The following MYBPC1 variants were observed in gnomAD, a reference collection of about 807,000 sequenced individuals.
The protein encoded by MYBPC1 is myosin-binding protein C, slow-type.
Under a neutral mutation model 147.1 loss-of-function variants are expected in MYBPC1, and 52 were observed. The observed-to-expected ratio is 0.35, with a 90% CI of 0.28 to 0.45. The LOEUF (loss-of-function observed/expected upper bound fraction) is 0.45. MYBPC1 is among the 20% of genes least tolerant of loss of function. The pLI is 1.00. For synonymous variants in MYBPC1, 477 were observed against 475.9 expected (o/e 1.00, Z -0.03); for missense variants, 1,228 against 1,440.3 (o/e 0.85, Z 2.39).
chr12:101,630,598 A>G (rs1278024013), intron 6 of MYBPC1, among the ~76,000 whole-genome samples: 1 of 152,190 alleles, frequency 6.6e-6, no homozygotes, highest in Admixed American at 6.5e-5. Flanking sequence ...ATAATTCATA[A>G]TATCTGAGAC....
At chr12:101,681,558 A>ATG (rs1387805910) in intron 29 of MYBPC1, among the ~76,000 whole-genome samples, 1 of 8,074 alleles carries the variant, frequency 1.2e-4, no homozygotes, top group East Asian at 1.3e-3. Flanking sequence ...TAACTTTCAT[A>ATG]TATATATATA....
At chr12:101,595,443 A>C (rs532025919) in intron 1 of MYBPC1, among the ~76,000 whole-genome samples, 10 of 152,290 alleles carry the variant, frequency 6.6e-5, no homozygotes, top group African/African-American at 2.2e-4. Context: ...TTTAATCACA[A>C]ATTTTTTACC....
At chr12:101,631,804 A>C in intron 7 of MYBPC1, 85 bp downstream of exon 7, 4 of 1,583,342 alleles carry the variant, frequency 2.5e-6, no homozygotes, top group Non-Finnish European at 3.5e-6. Flanking sequence ...TTCAGCTTTG[A>C]GAGACTTCAG....
At chr12:101,687,201 C>A (rs1430490815), downstream of MYBPC1, among the ~76,000 whole-genome samples, 1 of 151,930 alleles carries the variant, frequency 6.6e-6, no homozygotes, top group Non-Finnish European at 1.5e-5. Flanking sequence ...TTAGGTATAT[C>A]GCCTAATGCT....
chr12:101,631,546 G>A lies in MYBPC1; in HGVS notation c.290-25G>A, dbSNP rs776086613. The A allele has an allele frequency of 8.1e-6, 13 of 1,612,906 alleles. No individual in the cohort carries two copies. The Admixed American group carries it at 8.3e-5, about 10-fold the overall frequency. On this transcript the variant is annotated intron_variant, in intron 6 of 31. Coordinates refer to ENST00000361466, the MANE Select transcript of MYBPC1 (RefSeq NM_002465.4). ...ACAAATGACGCTTGTTAAAGAGCAA[G>A]CTGAATCCCTTATGCTTCTTCTAGG...
At chr12:101,605,502 AC>A (rs1450975109) in intron 1 of MYBPC1, among the ~76,000 whole-genome samples, 1 of 152,234 alleles carries the variant, frequency 6.6e-6, no homozygotes, top group East Asian at 1.9e-4. Flanking sequence ...AGTGTATTAT[AC>A]ACACTAACTT....
At chr12:101,636,957 C>T (rs1891106609) in intron 10 of MYBPC1, 4 of 343,562 alleles carry the variant, frequency 1.2e-5, no homozygotes, top group African/African-American at 9.1e-5. Context: ...TGTTTCATGA[C>T]TCTTCACCTA....
rs766911518 is a variant in MYBPC1 at position 101,666,818 on chromosome 12, C to A, written c.2357-914C>A. ...GCCAGGTAAAGTATTCCGTGAAGCT[C>A]TCAAATTTTCTTACTATATTATAAT... On this transcript the variant is annotated intron_variant, in intron 22 of 31. Coordinates refer to ENST00000361466, the MANE Select transcript of MYBPC1 (RefSeq NM_002465.4). 3.1e-6 allele frequency: 5 copies of A among 1,604,678 alleles called. No homozygotes were observed. In the South Asian group the frequency reaches 4.4e-5, roughly 14 times the overall value.
At chr12:101,649,181 A>C (rs991340893) in intron 14 of MYBPC1, 79 bp from the exon 15 acceptor site, 5 of 1,298,356 alleles carry the variant, frequency 3.9e-6, no homozygotes, top group Non-Finnish European at 5.5e-6. Context: ...TCTTCAGGAT[A>C]TTGCAATAAG....
At chr12:101,674,894 G>T (rs200859212) in intron 25 of MYBPC1, among the ~76,000 whole-genome samples, 9 of 125,372 alleles carry the variant, frequency 7.2e-5, no homozygotes, top group South Asian at 2.5e-4. Context: ...AGGAAAGAAA[G>T]AAATTTAAGA....
chr12:101,684,344 A>G, intron 30 of MYBPC1, 38 bp from the exon 31 acceptor site: 2 of 1,514,934 alleles, frequency 1.3e-6, no homozygotes, highest in Non-Finnish European at 1.8e-6. Context: ...ATTAATGCTT[A>G]CGACTTCTCT....
At chr12:101,641,840 T>A (rs1892121001) in intron 10 of MYBPC1, among the ~76,000 whole-genome samples, 1 of 151,914 alleles carries the variant, frequency 6.6e-6, no homozygotes, top group South Asian at 2.1e-4. Context: ...TTTTTTTTTT[T>A]ATTTTAAGAA....
chr12:101,614,676 T>C (rs1326530744), intron 2 of MYBPC1, 145 bp downstream of exon 2: 1 of 795,508 alleles, frequency 1.3e-6, no homozygotes, highest in East Asian at 2.7e-5. Flanking sequence ...TTGTGATAAG[T>C]TGAGAATAAT....
downstream of MYBPC1, among the ~76,000 whole-genome samples, chr12:101,690,981 T>C (rs1951403611): frequency 6.6e-6 from 1 of 152,244 alleles, no homozygotes; most frequent in Non-Finnish European, 1.5e-5. Flanking sequence ...CCAGCCTGTG[T>C]AGCTAAAGCT....
rs1950828718 is a variant in MYBPC1 at position 101,679,945 on chromosome 12, TTGATA to T, written c.3247-396_3247-392del. Among the ~76,000 whole-genome samples the T allele has an allele frequency of 2.0e-5, 3 of 152,378 alleles. No homozygotes were observed. The South Asian group carries it at 6.2e-4, about 32-fold the overall frequency. On this transcript the variant is annotated intron_variant, in intron 28 of 31. Transcript: ENST00000361466. ...CATTCAAGCTGAACAATATGATGAT[TTGATA>T]TATGTACACATTGTGTAATGATTAT...
At position 101,685,932 on chromosome 12, in the gene MYBPC1, C is replaced by T. The variant is rs1393697174; in HGVS notation, c.*370C>T. 7.7e-6 allele frequency: 2 copies of T among 258,732 alleles called. No homozygotes were observed. The highest frequency in any genetic ancestry group is 1.4e-5 in the Non-Finnish European group (2 of 139,300). The allele number at this position is 258,732 out of a possible 1,614,324, so 16.0% of individuals were successfully genotyped here. A position where few individuals can be genotyped will look rare whatever the true frequency, so the allele number is the denominator to read the frequency against. ...CACTGTATTATACTTTACAAAAATG[C>T]AAGTCATAGAATAAGCAAAAGCAGT... On this transcript the variant is annotated 3_prime_UTR_variant, in exon 32 of 32. Coordinates refer to ENST00000361466, the MANE Select transcript of MYBPC1 (RefSeq NM_002465.4).
chr12:101,651,061 G>A (rs1243825296), intron 15 of MYBPC1, 170 bp from the exon 16 acceptor site: 2 of 770,366 alleles, frequency 2.6e-6, no homozygotes, highest in Non-Finnish European at 4.3e-6. Context: ...GAATGAAATT[G>A]TACAGAATCA....
chr12:101,660,149 G>C (rs148805492), intron 19 of MYBPC1: 2 of 393,040 alleles, frequency 5.1e-6, no homozygotes, highest in African/African-American at 2.1e-5. Flanking sequence ...GACAACTATC[G>C]AAGTGCATTT....
intron 15 of MYBPC1, chr12:101,650,845 T>A: frequency 3.4e-5 from 10 of 289,886 alleles, no homozygotes; most frequent in Non-Finnish European, 5.4e-5. Flanking sequence ...TTGTGGCTTG[T>A]GAACTGTTGT....
Sources: gnomAD v4.1 joint callset for allele counts (sites outside exome capture counted in the v4.1 genomes callset) on GRCh38, gnomAD v4.1.1 for gene constraint, MANE v1.5 for transcripts, NCBI Gene and HGNC (gene_info 2026-07-23, HGNC 2026-07-21) for gene names.